ZAN: variants seen among roughly 807,000 people sequenced by gnomAD.
The protein encoded by ZAN is zonadhesin (gene/pseudogene).
In ZAN, 260 loss-of-function variants were observed where a neutral mutation model predicts 286.2. The ratio of observed to expected loss-of-function variants is 0.91; its 90% CI spans 0.82 to 1.01. The LOEUF (loss-of-function observed/expected upper bound fraction) is 1.01. Ranked by LOEUF, ZAN falls within the 50% of genes least tolerant of loss-of-function variation. ZAN has a pLI of 0.00. For synonymous variants in ZAN, 1,368 were observed against 1,417.5 expected (o/e 0.97, Z 0.79); for missense variants, 3,410 against 3,639.2 (o/e 0.94, Z 1.62).
rs754065208 is a variant in ZAN, at chr7:100,758,564, CT to C, written c.3486del (p.His1163IlefsTer34). 1 of 1,565,160 alleles carries C rather than the reference CT, an allele frequency of 6.4e-7. No homozygotes were observed. Among genetic ancestry groups the C allele is most frequent in the South Asian group, 1.2e-5 (1 of 84,914 alleles). On this transcript the variant is annotated frameshift_variant, in exon 17 of 48. Transcript: ENST00000613979. LOFTEE classifies it high-confidence loss of function. ...GCCACCTGCTTGGTCTACGGAGACC[CT>C]CATTATGTCACCTTTGACGGGAGGC... The part of the protein sequence containing the change: ...GTATCLVYGD[P>X]HYVTFDGRHF...
intron 37 of ZAN, among the ~76,000 whole-genome samples, chr7:100,787,516 T>G (rs1422520457): frequency 6.6e-6 from 1 of 152,148 alleles, no homozygotes; most frequent in Non-Finnish European, 1.5e-5. Context: ...GGAGGGACTC[T>G]GGGGACTGTC....
chr7:100,753,258 G>A (rs1186031346), intron 14 of ZAN, 29 bp downstream of exon 14: 1 of 1,541,332 alleles, frequency 6.5e-7, no homozygotes, highest in Non-Finnish European at 8.7e-7. Context: ...GTGGGCCAAG[G>A]CTGAAAGTCA....
chr7:100,788,879 A>T (rs565966439), intron 38 of ZAN, among the ~76,000 whole-genome samples: 1 of 152,096 alleles, frequency 6.6e-6, no homozygotes, highest in East Asian at 1.9e-4. Flanking sequence ...TTGTATTTTT[A>T]GTAGAGACGT....
rs530582579 is a variant in ZAN at position 100,750,854 on chromosome 7, C to T, written c.1479C>T (p.Asn493=). The change falls in exon 12 of 48, where the codon AAC becomes AAT. Residue 493 remains asparagine (N), a synonymous_variant. Transcript: ENST00000613979. ...RVGSQRPYWQ[N]TSVTVPSGHQ... Reference sequence around the variant, plus strand: ...GGTCTCAGCGCCCTTACTGGCAGAACACCTCCGTCACCGTCCCCTCAGGAC... The same window carrying T: ...GGTCTCAGCGCCCTTACTGGCAGAATACCTCCGTCACCGTCCCCTCAGGAC... 1 of 1,574,442 alleles carries T rather than the reference C, an allele frequency of 6.4e-7. No individual in the cohort carries two copies. The highest frequency in any genetic ancestry group is 2.2e-5 in the East Asian group (1 of 44,528).
At chr7:100,767,706 T>C in intron 25 of ZAN, 125 bp from the exon 26 acceptor site, 1 of 1,093,006 alleles carries the variant, frequency 9.1e-7, no homozygotes, top group Non-Finnish European at 1.3e-6. Context: ...CTCGAGATCC[T>C]GGGCTCAAGC....
chr7:100,775,002 A>G (rs897793282), intron 31 of ZAN, among the ~76,000 whole-genome samples: 4 of 151,960 alleles, frequency 2.6e-5, no homozygotes, highest in Non-Finnish European at 4.4e-5. Context: ...ATCTCGGCTC[A>G]CTGCAACCTC....
At chr7:100,759,992 T>C (rs1390352997) in intron 18 of ZAN, 147 bp downstream of exon 18, 37 of 1,324,482 alleles carry the variant, frequency 2.8e-5, no homozygotes, top group Middle Eastern at 2.7e-4. Context: ...AGTGGGAGGA[T>C]TGCTTGAGGC....
chr7:100,757,919 T>TA (rs76692637), intron 15 of ZAN, among the ~76,000 whole-genome samples: 1,148 of 104,944 alleles, frequency 0.011, 8 homozygotes, highest in East Asian at 0.037. Flanking sequence ...TCCAAAACGT[T>TA]AAAAAAAAAA....
In ZAN at chr7:100,769,990, G is replaced by T. The variant is rs925367472; in HGVS notation, c.5248+16G>T. The T allele has an allele frequency of 7.7e-6, 12 of 1,553,682 alleles. No homozygotes were observed. The highest frequency in any genetic ancestry group is 1.0e-5 in the Non-Finnish European group (12 of 1,147,748). ...AACCCTCAGGGTAAGACATGTCCCTGCTGGCCCTTTTTCCTCCCTGAAGGA... is the reference window on the plus strand; with the variant it reads ...AACCCTCAGGGTAAGACATGTCCCTTCTGGCCCTTTTTCCTCCCTGAAGGA... On this transcript the variant is annotated intron_variant, in intron 28 of 47. Coordinates refer to ENST00000613979, the MANE Select transcript of ZAN (RefSeq NM_003386.3).
chr7:100,792,222 G>T (rs376739543), intron 41 of ZAN, 74 bp downstream of exon 41: 3 of 1,502,402 alleles, frequency 2.0e-6, no homozygotes, highest in South Asian at 2.7e-5. Context: ...CCTCCTGCCC[G>T]CTTCCTGACC....
rs374203981 is a variant in ZAN, at chr7:100,734,095, G to A, written c.-74G>A. On this transcript the variant is annotated 5_prime_UTR_variant, in exon 2 of 48. Coordinates refer to ENST00000613979, the MANE Select transcript of ZAN (RefSeq NM_003386.3). ...AAGGATGCCAAGCTAAGGAGGCCAG[G>A]GGGGAATAAAAGGAGTCCAGGCTCC... 6 of 996,080 alleles carry A rather than the reference G, an allele frequency of 6.0e-6. No homozygotes were observed. In the Admixed American group the frequency reaches 6.5e-5, roughly 11 times the overall value. 61.7% of individuals were successfully genotyped at this position (996,080 alleles called of 1,614,324 possible). A position where few individuals can be genotyped will look rare whatever the true frequency, so the allele number is the denominator to read the frequency against.
rs373265938 is a variant in ZAN at position 100,795,109 on chromosome 7, C to T, written c.8126-87C>T. On this transcript the variant is annotated intron_variant, in intron 44 of 47. Coordinates refer to ENST00000613979, the MANE Select transcript of ZAN (RefSeq NM_003386.3). ...TCTCTGGCAGCCGCTGCTTTCTCCC[C>T]GGGCGTCCCAGCCCCCAGCCAGGCC... 43 of 1,475,028 alleles carry T rather than the reference C, an allele frequency of 2.9e-5. No individual in the cohort carries two copies. In the East Asian group the frequency reaches 4.3e-4, roughly 15 times the overall value. The allele number at this position is 1,475,028 out of a possible 1,614,324, so 91.4% of individuals were successfully genotyped here. A position where few individuals can be genotyped will look rare whatever the true frequency, so the allele number is the denominator to read the frequency against.
Position 100,768,377 on chromosome 7 carries a change from C to T in ZAN, c.5042-233C>T, listed in dbSNP as rs781131012. Among the ~76,000 whole-genome samples the T allele has an allele frequency of 7.9e-5, 12 of 152,268 alleles. No homozygotes were observed. In the East Asian group the frequency reaches 1.5e-3, roughly 20 times the overall value. On this transcript the variant is annotated intron_variant, in intron 26 of 47. Coordinates refer to ENST00000613979, the MANE Select transcript of ZAN (RefSeq NM_003386.3). ...ATCCCAGCTATTTGGGAGGCTGACG[C>T]GGGAGAATCGCTTGAACCTGGGAGG...
chr7:100,762,414 ACT>A (rs763494811), intron 20 of ZAN, 56 bp downstream of exon 20: 113 of 1,340,946 alleles, frequency 8.4e-5, no homozygotes, highest in Middle Eastern at 2.2e-4. Context: ...CCTTCCTGGA[ACT>A]CTCTTTTTTT....
At chr7:100,783,546 C>A (rs1238956341) in intron 35 of ZAN, among the ~76,000 whole-genome samples, 1 of 149,526 alleles carries the variant, frequency 6.7e-6, no homozygotes, top group African/African-American at 2.5e-5. Context: ...CCAGCCTGGC[C>A]AACATGGTGA....
In ZAN at chr7:100,779,610, C is replaced by T. The variant is rs1271697217; in HGVS notation, c.6482C>T (p.Pro2161Leu). The T allele has an allele frequency of 4.4e-6, 7 of 1,605,176 alleles. No individual in the cohort carries two copies. In the African/African-American group the frequency reaches 9.4e-5, roughly 21 times the overall value. Residue 2161 changes from proline to leucine, a missense_variant, in exon 35 of 48, where the codon CCC becomes CTC. Physicochemically the swap from Pro to Leu is moderately conservative, Grantham distance 98. Coordinates refer to ENST00000613979, the MANE Select transcript of ZAN (RefSeq NM_003386.3). ...AQCASRIDLT[P>L]FLVDCANTLC... ...TGCGCCTCCCGCATAGACCTCACGC[C>T]CTTCCTGGTGGACTGTGCAAACACC...
At chr7:100,756,649 G>C (rs896435280) in intron 15 of ZAN, among the ~76,000 whole-genome samples, 1 of 151,814 alleles carries the variant, frequency 6.6e-6, no homozygotes, top group African/African-American at 2.4e-5. Context: ...CACAACCATT[G>C]GCACCAAGAA....
chr7:100,744,546 C>T (rs981179405), intron 7 of ZAN, among the ~76,000 whole-genome samples: 4 of 150,768 alleles, frequency 2.7e-5, no homozygotes, highest in Admixed American at 1.3e-4. Flanking sequence ...TGCAGTGAGC[C>T]GAGATAGCGC....
intron 44 of ZAN, among the ~76,000 whole-genome samples, chr7:100,794,558 C>T (rs1309679690): frequency 1.3e-5 from 2 of 152,018 alleles, no homozygotes; most frequent in African/African-American, 4.8e-5. Context: ...TCCTGCTGGG[C>T]GTGGGTGACT....
Sources: allele counts gnomAD v4.1 joint callset (sites outside exome capture counted in the v4.1 genomes callset), GRCh38; gene constraint gnomAD v4.1.1; transcripts MANE v1.5; gene names NCBI Gene and HGNC (gene_info 2026-07-23, HGNC 2026-07-21).